LIPI: variants seen among roughly 807,000 people sequenced by gnomAD.
LIPI encodes the protein lipase member I.
A neutral mutation model predicts 50.6 loss-of-function variants in LIPI; 59 were observed. That is an observed-to-expected ratio of 1.16 (90% CI 0.94 to 1.45). LIPI has a LOEUF of 1.45. Among genes scored for constraint, LIPI ranks in the 40% most tolerant of loss-of-function variants. The pLI is 0.00. For missense variants in LIPI, 586 were observed against 536.3 expected (o/e 1.09, Z -0.92); for synonymous variants, 203 against 178.2 (o/e 1.14, Z -1.11).
chr21:14,196,101 CT>C (rs1468550499), intron 1 of LIPI, among the ~76,000 whole-genome samples: 1 of 143,558 alleles, frequency 7.0e-6, no homozygotes, highest in East Asian at 2.0e-4. Flanking sequence ...AAAACATGTC[CT>C]TACCACATTT....
At chr21:14,164,047 C>T (rs987484773) in intron 6 of LIPI, among the ~76,000 whole-genome samples, 3 of 150,076 alleles carry the variant, frequency 2.0e-5, no homozygotes, top group African/African-American at 4.9e-5. Flanking sequence ...ATTTCAGATA[C>T]ATATGTGTAC....
intron 7 of LIPI, among the ~76,000 whole-genome samples, chr21:14,156,793 A>G (rs2018288350): frequency 1.3e-5 from 2 of 151,940 alleles, no homozygotes; most frequent in South Asian, 2.1e-4. Context: ...AGTTTATTCA[A>G]CTAACTAGAA....
intron 9 of LIPI, among the ~76,000 whole-genome samples, chr21:14,129,650 C>CA (rs1433767540): frequency 6.6e-6 from 1 of 151,518 alleles, no homozygotes; most frequent in East Asian, 1.9e-4. Flanking sequence ...AGTTTGATGT[C>CA]ATGGAAGAAT....
At chr21:14,119,344 G>A (rs981636550) in intron 9 of LIPI, among the ~76,000 whole-genome samples, 1 of 152,202 alleles carries the variant, frequency 6.6e-6, no homozygotes, top group African/African-American at 2.4e-5. Flanking sequence ...GCTGTGGAAA[G>A]CTGGCTATAA....
intron 4 of LIPI, among the ~76,000 whole-genome samples, chr21:14,179,639 T>TA (rs1161853575): frequency 2.6e-5 from 4 of 152,178 alleles, no homozygotes; most frequent in Non-Finnish European, 5.9e-5. Flanking sequence ...CAGAGGAACA[T>TA]AAATTGTGAA....
chr21:14,176,425 A>G (rs1050803607), intron 4 of LIPI, among the ~76,000 whole-genome samples: 4 of 151,916 alleles, frequency 2.6e-5, no homozygotes, highest in African/African-American at 9.7e-5. Flanking sequence ...AAACAGCTGT[A>G]CTCAAAACTA....
chr21:14,151,671 C>A (rs528619601), intron 8 of LIPI, among the ~76,000 whole-genome samples: 183 of 152,226 alleles, frequency 1.2e-3, no homozygotes, highest in African/African-American at 4.3e-3. Flanking sequence ...CCGTTTATAT[C>A]ATTCTTTTAT....
intron 1 of LIPI, among the ~76,000 whole-genome samples, chr21:14,203,628 G>C (rs147269925): frequency 0.14 from 21,139 of 152,046 alleles, 1,938 homozygotes; most frequent in South Asian, 0.21. Flanking sequence ...GGTGGGAATT[G>C]AACAATGAGA....
intron 3 of LIPI, 28 bp from the exon 4 acceptor site, chr21:14,181,887 C>T (rs574658597): frequency 6.4e-6 from 8 of 1,258,816 alleles, no homozygotes; most frequent in South Asian, 1.2e-5. Flanking sequence ...AATAATCAGT[C>T]TCATCAAGTC....
chr21:14,156,111 A>C (rs968570818), intron 7 of LIPI, among the ~76,000 whole-genome samples: 6 of 152,032 alleles, frequency 3.9e-5, no homozygotes, highest in Admixed American at 2.0e-4. Flanking sequence ...TAATGTATGC[A>C]TATTGTAATT....
At chr21:14,181,441 G>C (rs1375592612) in intron 4 of LIPI, among the ~76,000 whole-genome samples, 2 of 152,000 alleles carry the variant, frequency 1.3e-5, no homozygotes, top group Non-Finnish European at 2.9e-5. Context: ...TAAACATGGG[G>C]GAAAATGTGA....
chr21:14,154,447 A>C (rs1001067187), intron 7 of LIPI, among the ~76,000 whole-genome samples: 5 of 152,200 alleles, frequency 3.3e-5, no homozygotes, highest in African/African-American at 1.2e-4. Context: ...TACTTCAGCA[A>C]GAAAAACGTT....
At chr21:14,144,332 C>T (rs1410070739) in intron 9 of LIPI, 1 of 234,774 alleles carries the variant, frequency 4.3e-6, no homozygotes, top group Non-Finnish European at 8.4e-6. Flanking sequence ...AAAGAAATTA[C>T]TGGTAAACTT....
chr21:14,167,413 A>C (rs1038955002), intron 4 of LIPI, among the ~76,000 whole-genome samples: 2 of 152,180 alleles, frequency 1.3e-5, no homozygotes, highest in African/African-American at 2.4e-5. Flanking sequence ...CTGTCTCCTC[A>C]AGTGGGTCCC....
At chr21:14,210,622 C>A (rs1001147244) in intron 1 of LIPI, among the ~76,000 whole-genome samples, 178 bp downstream of exon 1, 1 of 151,754 alleles carries the variant, frequency 6.6e-6, no homozygotes, top group Non-Finnish European at 1.5e-5. Context: ...CAAACACATG[C>A]ACACACACAC....
intron 9 of LIPI, among the ~76,000 whole-genome samples, chr21:14,112,692 T>G (rs2016462406): frequency 6.6e-6 from 1 of 152,256 alleles, no homozygotes; most frequent in Middle Eastern, 3.4e-3. Flanking sequence ...TTTATACATA[T>G]TCATGCATTT....
intron 4 of LIPI, among the ~76,000 whole-genome samples, chr21:14,172,050 G>A (rs560524931): frequency 5.0e-4 from 76 of 152,176 alleles, no homozygotes; most frequent in African/African-American, 1.4e-3. Flanking sequence ...TCAAAAAATG[G>A]GTGAAGGACA....
chr21:14,168,933 T>A (rs984842613), intron 4 of LIPI, among the ~76,000 whole-genome samples: 8 of 150,676 alleles, frequency 5.3e-5, no homozygotes, highest in African/African-American at 1.9e-4. Flanking sequence ...GGATAAAGAG[T>A]CAAGACCCAT....
intron 2 of LIPI, 29 bp downstream of exon 2, chr21:14,189,005 T>A: frequency 1.3e-6 from 2 of 1,552,728 alleles, no homozygotes; most frequent in South Asian, 1.1e-5. Flanking sequence ...TTGTATAGCA[T>A]GTATAATACA....
Sources: gnomAD v4.1 joint callset for allele counts (sites outside exome capture counted in the v4.1 genomes callset) on GRCh38, gnomAD v4.1.1 for gene constraint, MANE v1.5 for transcripts, NCBI Gene and HGNC (gene_info 2026-07-23, HGNC 2026-07-21) for gene names.